Variants in TTC28 observed in about 807,000 individuals in gnomAD.
TTC28 encodes tetratricopeptide repeat domain 28.
Under a neutral mutation model 198.0 loss-of-function variants are expected in TTC28, and 61 were observed. That is an observed-to-expected ratio of 0.31 (90% CI 0.25 to 0.38). The LOEUF (loss-of-function observed/expected upper bound fraction) is 0.38. Among genes scored for constraint, TTC28 ranks in the 10% least tolerant of loss-of-function variants. The pLI, the probability that TTC28 is intolerant of heterozygous loss-of-function variation, is 1.00. For missense variants in TTC28, 2,678 were observed against 3,164.0 expected (o/e 0.85, Z 3.69); for synonymous variants, 1,171 against 1,297.8 (o/e 0.90, Z 2.10).
intron 2 of TTC28, among the ~76,000 whole-genome samples, chr22:28,340,148 G>C (rs1412981875): frequency 1.3e-5 from 2 of 152,016 alleles, no homozygotes; most frequent in Non-Finnish European, 2.9e-5. Flanking sequence ...ACCTTGGGCT[G>C]GTCCTACCCT....
At chr22:28,308,950 T>C (rs1220271226) in intron 2 of TTC28, among the ~76,000 whole-genome samples, 4 of 151,808 alleles carry the variant, frequency 2.6e-5, no homozygotes, top group Non-Finnish European at 5.9e-5. Flanking sequence ...ACTCAAAGAG[T>C]GGGGCTCTCC....
intron 2 of TTC28, among the ~76,000 whole-genome samples, chr22:28,359,488 T>C (rs1016778730): frequency 1.5e-4 from 23 of 152,242 alleles, no homozygotes; most frequent in Non-Finnish European, 2.2e-4. Context: ...GTTCTTCATA[T>C]GAGACATATT....
chr22:28,033,295 A>G (rs1939207178), intron 12 of TTC28, among the ~76,000 whole-genome samples: 1 of 152,174 alleles, frequency 6.6e-6, no homozygotes. Context: ...CCATTTACAA[A>G]ACAAGCCTCA....
chr22:28,318,500 T>C (rs1384574958), intron 2 of TTC28, among the ~76,000 whole-genome samples: 1 of 152,180 alleles, frequency 6.6e-6, no homozygotes, highest in Admixed American at 6.5e-5. Context: ...ACTTTTGTTC[T>C]CCTCCCTTGA....
Position 28,105,589 on chromosome 22 carries a change from T to C in TTC28, c.2997A>G (p.Ala999=). The C allele has an allele frequency of 6.4e-7, 1 of 1,551,832 alleles. No homozygotes were observed. Among genetic ancestry groups the C allele is most frequent in the Non-Finnish European group, 8.7e-7 (1 of 1,147,030 alleles). Reference sequence around the variant, plus strand: ...GGTAAACGCCCCCCAGGCCACAGGCTGCGTCACTCTCCAGGGCTCGGTCTT... The same window carrying C: ...GGTAAACGCCCCCCAGGCCACAGGCCGCGTCACTCTCCAGGGCTCGGTCTT... ...DMKDRALESD[A]ACGLGGVYQQ... The change falls in exon 8 of 23, where the codon GCA becomes GCG. Residue 999 remains alanine (A), a synonymous_variant. Coordinates refer to ENST00000397906, the MANE Select transcript of TTC28 (RefSeq NM_001145418.2).
At chr22:28,517,964 C>T (rs187071059) in intron 2 of TTC28, among the ~76,000 whole-genome samples, 38 of 151,618 alleles carry the variant, frequency 2.5e-4, no homozygotes, top group Admixed American at 2.0e-3. Flanking sequence ...TTTTTACACT[C>T]AAGGTCCCAC....
chr22:28,406,096 GCAC>G, intron 2 of TTC28, among the ~76,000 whole-genome samples: 1 of 152,324 alleles, frequency 6.6e-6, no homozygotes, highest in Middle Eastern at 3.4e-3. Flanking sequence ...GGGCTCGCCT[GCAC>G]TGCATCTTGT....
At chr22:28,514,808 C>A (rs2048750308) in intron 2 of TTC28, among the ~76,000 whole-genome samples, 1 of 152,222 alleles carries the variant, frequency 6.6e-6, no homozygotes, top group South Asian at 2.1e-4. Flanking sequence ...AACACTGTTT[C>A]ACAGTCTCTG....
chr22:28,134,185 C>T (rs141357206), intron 6 of TTC28, among the ~76,000 whole-genome samples: 67 of 152,296 alleles, frequency 4.4e-4, no homozygotes, highest in African/African-American at 1.5e-3. Context: ...ACAGAAAGGA[C>T]ATCCACACCA....
At chr22:28,353,664 T>G (rs1188109419) in intron 2 of TTC28, among the ~76,000 whole-genome samples, 1 of 152,158 alleles carries the variant, frequency 6.6e-6, no homozygotes, top group Non-Finnish European at 1.5e-5. Flanking sequence ...AGAATGAAGG[T>G]GGACCCTTAC....
chr22:28,143,560 A>G (rs189310574), intron 6 of TTC28, among the ~76,000 whole-genome samples: 2 of 152,216 alleles, frequency 1.3e-5, no homozygotes, highest in Non-Finnish European at 2.9e-5. Flanking sequence ...GACTGCTATA[A>G]TTTAACACCC....
chr22:28,225,761 C>A (rs192962278), intron 5 of TTC28, among the ~76,000 whole-genome samples: 8 of 152,302 alleles, frequency 5.3e-5, no homozygotes, highest in Admixed American at 5.2e-4. Flanking sequence ...TTTTCTCATG[C>A]CCCTTTGCAT....
intron 6 of TTC28, among the ~76,000 whole-genome samples, chr22:28,143,826 T>C (rs1249016429): frequency 6.6e-6 from 1 of 152,228 alleles, no homozygotes; most frequent in Admixed American, 6.5e-5. Flanking sequence ...AAGTTATTTT[T>C]TCACCAGCAA....
intron 5 of TTC28, among the ~76,000 whole-genome samples, chr22:28,272,278 G>A (rs1473727155): frequency 1.3e-5 from 2 of 152,178 alleles, no homozygotes; most frequent in African/African-American, 4.8e-5. Flanking sequence ...CCAAATCAAG[G>A]TTGAATTGAT....
chr22:28,362,815 A>G (rs2046179393), intron 2 of TTC28, among the ~76,000 whole-genome samples: 1 of 152,146 alleles, frequency 6.6e-6, no homozygotes, highest in African/African-American at 2.4e-5. Flanking sequence ...TGAACTTAAG[A>G]GGGATGATTT....
chr22:28,233,214 AT>A, intron 5 of TTC28, among the ~76,000 whole-genome samples: 1 of 152,080 alleles, frequency 6.6e-6, no homozygotes. Flanking sequence ...TTCAGTGATA[AT>A]TTTTTTAAAA....
intron 12 of TTC28, among the ~76,000 whole-genome samples, chr22:28,060,662 G>C (rs1940491048): frequency 1.3e-5 from 2 of 152,218 alleles, no homozygotes; most frequent in Non-Finnish European, 2.9e-5. Context: ...CATCCTTGAG[G>C]AATCGCCACA....
chr22:28,415,370 C>T (rs377490038), intron 2 of TTC28, among the ~76,000 whole-genome samples: 1 of 151,862 alleles, frequency 6.6e-6, no homozygotes, highest in East Asian at 1.9e-4. Context: ...AAATGTAGTA[C>T]AGATTTAAGA....
Position 27,990,769 on chromosome 22 carries a change from C to T in TTC28, c.5577+20G>A. 6.5e-7 allele frequency: 1 copy of T among 1,549,844 alleles called. No individual in the cohort carries two copies. The highest frequency in any genetic ancestry group is 8.7e-7 in the Non-Finnish European group (1 of 1,146,614). On this transcript the variant is annotated intron_variant, in intron 20 of 22. Coordinates refer to ENST00000397906, the MANE Select transcript of TTC28 (RefSeq NM_001145418.2). ...TGAGGGGCTCACCTGACAACAGTTGCTACTTAAAGTAGTACTCACCATTCC... is the reference window on the plus strand; with the variant it reads ...TGAGGGGCTCACCTGACAACAGTTGTTACTTAAAGTAGTACTCACCATTCC...
Sources: gnomAD v4.1 joint callset for allele counts (sites outside exome capture counted in the v4.1 genomes callset) on GRCh38, gnomAD v4.1.1 for gene constraint, MANE v1.5 for transcripts, NCBI Gene and HGNC (gene_info 2026-07-23, HGNC 2026-07-21) for gene names.